The following MEGF11 variants were observed in gnomAD, a reference collection of about 807,000 sequenced individuals.
The protein encoded by MEGF11 is multiple EGF like domains 11.
Under a neutral mutation model 146.6 loss-of-function variants are expected in MEGF11, and 126 were observed. That is an observed-to-expected ratio of 0.86 (90% confidence interval 0.74 to 1.00). MEGF11 has a LOEUF of 1.00. Among genes scored for constraint, MEGF11 ranks in the 50% least tolerant of loss-of-function variants. MEGF11 has a pLI of 0.00. For synonymous variants in MEGF11, 532 were observed against 583.4 expected (o/e 0.91, Z 1.27); for missense variants, 1,509 against 1,521.2 (o/e 0.99, Z 0.13).
intron 5 of MEGF11, among the ~76,000 whole-genome samples, chr15:66,073,649 C>A (rs2085461543): frequency 6.6e-6 from 1 of 152,222 alleles, no homozygotes; most frequent in Admixed American, 6.5e-5. Flanking sequence ...CAGGGAGACA[C>A]AGGGTGAACT....
At chr15:66,216,653 T>C (rs1172425532) in intron 1 of MEGF11, among the ~76,000 whole-genome samples, 1 of 152,170 alleles carries the variant, frequency 6.6e-6, no homozygotes, top group Non-Finnish European at 1.5e-5. Flanking sequence ...CAGACCCTGG[T>C]CCAACCTGGA....
At chr15:66,164,650 A>C (rs1220629065) in intron 1 of MEGF11, among the ~76,000 whole-genome samples, 1 of 152,202 alleles carries the variant, frequency 6.6e-6, no homozygotes, top group Non-Finnish European at 1.5e-5. Context: ...TGACCCCTCC[A>C]GGATCCACTC....
At chr15:66,008,407 GCGCGCACA>G (rs199866123) in intron 5 of MEGF11, among the ~76,000 whole-genome samples, 5,003 of 82,316 alleles carry the variant, frequency 0.061, 123 homozygotes, top group Admixed American at 0.13. Context: ...GCACACGCGC[GCGCGCACA>G]CACACACACA....
chr15:65,997,289 C>T (rs189964098), intron 5 of MEGF11, among the ~76,000 whole-genome samples: 33 of 152,286 alleles, frequency 2.2e-4, no homozygotes, highest in African/African-American at 6.7e-4. Flanking sequence ...AGCCAAGGAA[C>T]GACACTTCTG....
At chr15:66,033,444 C>G (rs2083608423) in intron 5 of MEGF11, among the ~76,000 whole-genome samples, 3 of 152,256 alleles carry the variant, frequency 2.0e-5, no homozygotes, top group Admixed American at 1.3e-4. Flanking sequence ...GACCCAGTCA[C>G]AGCTCAAGCA....
intron 8 of MEGF11, among the ~76,000 whole-genome samples, chr15:65,969,962 C>T (rs1212911880): frequency 2.0e-5 from 3 of 152,178 alleles, no homozygotes; most frequent in African/African-American, 7.2e-5. Context: ...TTCCTCTGCA[C>T]CTGCCCTGTC....
Position 65,956,031 on chromosome 15 carries a change from C to A in MEGF11, c.1287+1516G>T, listed in dbSNP as rs113892330. On this transcript the variant is annotated intron_variant, in intron 10 of 25. Transcript: ENST00000395614. ...TTAAAAGACATTGTCACCAAGCAAACCCTCGCTTGATCTACAAGAATTCCC... is the reference window on the plus strand; with the variant it reads ...TTAAAAGACATTGTCACCAAGCAAAACCTCGCTTGATCTACAAGAATTCCC... Among the ~76,000 whole-genome samples the A allele has an allele frequency of 8.7e-3, 1,318 of 151,960 alleles. 13 individuals carry two copies. The highest frequency in any genetic ancestry group is 0.021 in the Middle Eastern group (6 of 292).
At position 66,051,587 on chromosome 15, in the gene MEGF11, G is replaced by A. The variant is rs141669501; in HGVS notation, c.394+42815C>T. On this transcript the variant is annotated intron_variant, in intron 5 of 25. Coordinates refer to ENST00000395614, the MANE Select transcript of MEGF11 (RefSeq NM_001385028.1). ...CCATTCCACCAGATGAGAGCATTCC[G>A]CCCAGCCACTTCAGATTTGCCATGC... is the stretch of plus-strand genomic sequence containing the variant. Among the ~76,000 whole-genome samples, 119 of 152,282 alleles carry A rather than the reference G, an allele frequency of 7.8e-4. 3 individuals carry two copies. Among genetic ancestry groups the A allele is most frequent in the Non-Finnish European group, 1.1e-3 (77 of 68,014 alleles).
At chr15:66,150,866 G>GAT (rs56239453) in intron 1 of MEGF11, among the ~76,000 whole-genome samples, 18,583 of 122,306 alleles carry the variant, frequency 0.15, 1,208 homozygotes, top group Non-Finnish European at 0.18. Context: ...GAGAGAGAGA[G>GAT]AGAGGAAAGA....
intron 24 of MEGF11, among the ~76,000 whole-genome samples, chr15:65,903,281 G>A (rs943731923): frequency 6.6e-6 from 1 of 152,304 alleles, no homozygotes; most frequent in South Asian, 2.1e-4. Context: ...TCATAAAGGC[G>A]ATGGAGAATA....
chr15:65,925,301 G>A (rs532374222), intron 13 of MEGF11, among the ~76,000 whole-genome samples: 3 of 152,338 alleles, frequency 2.0e-5, no homozygotes. Context: ...AACCATGAGT[G>A]TACCATGTTT....
chr15:66,052,701 T>TC (rs758518826), intron 5 of MEGF11, among the ~76,000 whole-genome samples: 1 of 152,102 alleles, frequency 6.6e-6, no homozygotes, highest in Non-Finnish European at 1.5e-5. Context: ...CATCCAGGCC[T>TC]CCCCTCAGTG....
intron 1 of MEGF11, among the ~76,000 whole-genome samples, chr15:66,220,622 T>C (rs569953923): frequency 1.7e-4 from 26 of 150,824 alleles, no homozygotes; most frequent in Non-Finnish European, 2.5e-4. Flanking sequence ...ACTGCAGCCT[T>C]GACCTCCCAG....
chr15:66,232,768 C>T (rs1164184709), intron 1 of MEGF11, among the ~76,000 whole-genome samples: 2 of 152,172 alleles, frequency 1.3e-5, no homozygotes, highest in African/African-American at 4.8e-5. Context: ...CGAGGCCTAC[C>T]GTGTGCCAGG....
chr15:66,232,831 A>T (rs1325328499), intron 1 of MEGF11, among the ~76,000 whole-genome samples: 1 of 152,204 alleles, frequency 6.6e-6, no homozygotes, highest in African/African-American at 2.4e-5. Flanking sequence ...TAACTCACCC[A>T]ACAACACTAT....
In MEGF11 at chr15:65,952,622, C is replaced by T. The variant is rs1240275335; in HGVS notation, c.1287+4925G>A. Among the ~76,000 whole-genome samples, 3 of 152,212 alleles carry T rather than the reference C, an allele frequency of 2.0e-5. No homozygotes were observed. The East Asian group carries it at 5.8e-4, about 29-fold the overall frequency. On this transcript the variant is annotated intron_variant, in intron 10 of 25. Coordinates refer to ENST00000395614, the MANE Select transcript of MEGF11 (RefSeq NM_001385028.1). ...GAAGGCACAGAGTAGCCTTGAATCC[C>T]TGGCTCATGAGGCTGTCCAAGGTGC...
intron 5 of MEGF11, among the ~76,000 whole-genome samples, chr15:65,995,178 C>G (rs1027315018): frequency 1.6e-4 from 24 of 152,128 alleles, no homozygotes; most frequent in Non-Finnish European, 3.1e-4. Flanking sequence ...AGGGAGGGGG[C>G]GTGCAGGGCT....
chr15:65,967,557 A>G (rs2081147381), intron 8 of MEGF11, among the ~76,000 whole-genome samples: 1 of 152,132 alleles, frequency 6.6e-6, no homozygotes, highest in Non-Finnish European at 1.5e-5. Context: ...TCAGTTGTCT[A>G]TGGTGAGGGT....
chr15:66,197,263 C>T (rs957067829), intron 1 of MEGF11, among the ~76,000 whole-genome samples: 2 of 152,102 alleles, frequency 1.3e-5, no homozygotes, highest in African/African-American at 4.8e-5. Flanking sequence ...AATCTTAATA[C>T]TGGGCAAGAT....
Sources: allele counts gnomAD v4.1 joint callset (sites outside exome capture counted in the v4.1 genomes callset), GRCh38; gene constraint gnomAD v4.1.1; transcripts MANE v1.5; gene names NCBI Gene and HGNC (gene_info 2026-07-23, HGNC 2026-07-21).